The following AUTS2 variants were observed in gnomAD, a reference collection of about 807,000 sequenced individuals.
AUTS2 encodes the protein autism susceptibility gene 2 protein.
AUTS2 carries 17 observed loss-of-function variants against 112.4 expected under a neutral mutation model. The observed-to-expected ratio is 0.15, with a 90% CI of 0.10 to 0.23. The LOEUF is 0.23. AUTS2 is among the 10% of genes least tolerant of loss of function. The pLI is 1.00. For missense variants in AUTS2, 1,510 were observed against 1,701.6 expected (o/e 0.89, Z 1.98); for synonymous variants, 751 against 702.7 (o/e 1.07, Z -1.09).
rs143465133 is a variant in AUTS2, at chr7:69,770,323, T to G, written c.310-128963T>G. On this transcript the variant is annotated intron_variant, in intron 1 of 18. Coordinates refer to ENST00000342771, the MANE Select transcript of AUTS2 (RefSeq NM_015570.4). ...GACATTGCAGTCATTCAGCAGACAT[T>G]TAGCAAATGCGTATAATGTGTGTGA... Among the ~76,000 whole-genome samples, 141 of 152,346 alleles carry G rather than the reference T, an allele frequency of 9.3e-4. 1 individual carries two copies. Among genetic ancestry groups the G allele is most frequent in the African/African-American group, 3.3e-3 (137 of 41,580 alleles).
At chr7:70,573,049 A>G (rs544348657) in intron 5 of AUTS2, among the ~76,000 whole-genome samples, 1 of 152,204 alleles carries the variant, frequency 6.6e-6, no homozygotes, top group Non-Finnish European at 1.5e-5. Context: ...CTCTTCGGAG[A>G]GAACGGAGTT....
intron 5 of AUTS2, among the ~76,000 whole-genome samples, chr7:70,525,060 C>A (rs1443804687): frequency 6.6e-6 from 1 of 152,100 alleles, no homozygotes; most frequent in African/African-American, 2.4e-5. Context: ...ATGGAAAGGG[C>A]CTTGAGGTTA....
intron 2 of AUTS2, among the ~76,000 whole-genome samples, chr7:70,086,573 G>A (rs1227810374): frequency 2.0e-5 from 3 of 148,078 alleles, no homozygotes; most frequent in South Asian, 2.1e-4. Flanking sequence ...CCTGGGAAAC[G>A]ATGGTTGCAG....
chr7:69,708,137 C>T (rs575280344), intron 1 of AUTS2, among the ~76,000 whole-genome samples: 1 of 152,202 alleles, frequency 6.6e-6, no homozygotes, highest in Non-Finnish European at 1.5e-5. Flanking sequence ...CAAGTAAAAT[C>T]TGAATGGCTC....
At chr7:70,115,353 T>A (rs1805302327) in intron 2 of AUTS2, among the ~76,000 whole-genome samples, 1 of 152,194 alleles carries the variant, frequency 6.6e-6, no homozygotes, top group African/African-American at 2.4e-5. Context: ...ATTAGTTTTT[T>A]AAATAGAGAC....
intron 1 of AUTS2, among the ~76,000 whole-genome samples, chr7:69,742,959 G>A (rs1296441133): frequency 6.6e-6 from 1 of 152,234 alleles, no homozygotes. Context: ...AAAAGATGGG[G>A]TATCTCCTGC....
chr7:70,237,100 A>T (rs1190748982), intron 4 of AUTS2, among the ~76,000 whole-genome samples: 1 of 152,212 alleles, frequency 6.6e-6, no homozygotes, highest in Non-Finnish European at 1.5e-5. Flanking sequence ...GGAGTCTTGC[A>T]CTAGACTCTA....
At chr7:69,877,058 C>G (rs1793835817) in intron 1 of AUTS2, among the ~76,000 whole-genome samples, 1 of 152,180 alleles carries the variant, frequency 6.6e-6, no homozygotes, top group Non-Finnish European at 1.5e-5. Context: ...TCCGCTGACA[C>G]TTGTTCTAAA....
chr7:70,287,937 G>A (rs2129611484), intron 4 of AUTS2, among the ~76,000 whole-genome samples: 1 of 152,198 alleles, frequency 6.6e-6, no homozygotes, highest in East Asian at 1.9e-4. Context: ...TCCCAGTGGT[G>A]TTTTGATCTT....
At chr7:69,649,324 C>T (rs548484868) in intron 1 of AUTS2, among the ~76,000 whole-genome samples, 1 of 152,294 alleles carries the variant, frequency 6.6e-6, no homozygotes, top group East Asian at 1.9e-4. Context: ...GCTTTTGGTA[C>T]ACTGTGTTTC....
chr7:70,754,667 T>A (rs1789078145), intron 6 of AUTS2, among the ~76,000 whole-genome samples: 1 of 152,220 alleles, frequency 6.6e-6, no homozygotes, highest in Non-Finnish European at 1.5e-5. Context: ...TCTGTAGTCT[T>A]TCTGTGTGGT....
In AUTS2 at chr7:69,873,982, C is replaced by T. The variant is rs543119636; in HGVS notation, c.310-25304C>T. On this transcript the variant is annotated intron_variant, in intron 1 of 18. Transcript: ENST00000342771. ...GAATGTAAATTATAACACAGAAGAA[C>T]AAGTGTTTTGTTAAGGATAATGGAA... 3.3e-5 allele frequency among the ~76,000 whole-genome samples: 5 copies of T among 152,270 alleles called. No homozygotes were observed. In the South Asian group the frequency reaches 1.0e-3, roughly 32 times the overall value.
At chr7:70,398,972 T>A (rs1794206870) in intron 4 of AUTS2, among the ~76,000 whole-genome samples, 1 of 151,438 alleles carries the variant, frequency 6.6e-6, no homozygotes, top group African/African-American at 2.4e-5. Context: ...GAAAATCATA[T>A]GGTCTTTCTT....
At chr7:69,624,443 T>C (rs1298319250) in intron 1 of AUTS2, among the ~76,000 whole-genome samples, 1 of 152,232 alleles carries the variant, frequency 6.6e-6, no homozygotes, top group Non-Finnish European at 1.5e-5. Context: ...TTTTTCTTTT[T>C]TCCACTGAAG....
rs775752946 is a variant in AUTS2 at position 70,763,076 on chromosome 7, G to A, written c.949G>A (p.Ala317Thr). The A allele has an allele frequency of 2.5e-6, 4 of 1,614,000 alleles. No individual in the cohort carries two copies. The South Asian group carries it at 4.4e-5, about 18-fold the overall frequency. Residue 317 changes from alanine to threonine, a missense_variant, in exon 7 of 19, where the codon GCT becomes ACT. Physicochemically the swap from Ala to Thr is moderately conservative, Grantham distance 58 (BLOSUM62 0). Transcript: ENST00000342771. ...PQPQTEPQLR[A>T]PSPDPDLVQR... ...GCCGCAGACGGAGCCCCAACTCCGA[G>A]CTCCTTCTCCGGACCCTGACTTGGT...
chr7:70,533,218 C>T (rs1020993467), intron 5 of AUTS2, among the ~76,000 whole-genome samples: 7 of 152,154 alleles, frequency 4.6e-5, no homozygotes, highest in Non-Finnish European at 8.8e-5. Flanking sequence ...CAATCTCAAG[C>T]AATCCTCCTG....
At chr7:70,312,436 A>G (rs1015120979) in intron 4 of AUTS2, among the ~76,000 whole-genome samples, 1 of 152,184 alleles carries the variant, frequency 6.6e-6, no homozygotes, top group Non-Finnish European at 1.5e-5. Flanking sequence ...ATTTGTGTGT[A>G]TATAATATAG....
intron 1 of AUTS2, among the ~76,000 whole-genome samples, chr7:69,853,528 G>A (rs190112823): frequency 3.3e-5 from 5 of 152,126 alleles, no homozygotes; most frequent in Non-Finnish European, 5.9e-5. Context: ...CTTGAAGTGA[G>A]TTTATGGATA....
At chr7:69,724,109 A>G (rs1786385932) in intron 1 of AUTS2, among the ~76,000 whole-genome samples, 1 of 152,178 alleles carries the variant, frequency 6.6e-6, no homozygotes, top group South Asian at 2.1e-4. Flanking sequence ...AAATCACCGA[A>G]CTGGGAGAGA....
Sources: gnomAD v4.1 joint callset for allele counts (sites outside exome capture counted in the v4.1 genomes callset) on GRCh38, gnomAD v4.1.1 for gene constraint, MANE v1.5 for transcripts, NCBI Gene and HGNC (gene_info 2026-07-23, HGNC 2026-07-21) for gene names.